The following ZNF334 variants were observed in gnomAD, a reference collection of about 807,000 sequenced individuals.
The protein encoded by ZNF334 is zinc finger protein 334.
ZNF334 carries 14 observed loss-of-function variants against 12.4 expected under a neutral mutation model. That is an observed-to-expected ratio of 1.13 (90% CI 0.74 to 1.76). The LOEUF (loss-of-function observed/expected upper bound fraction) is 1.76. Ranked by LOEUF, ZNF334 falls within the 40% of genes most tolerant of loss-of-function variation. The pLI is 0.00. For missense variants in ZNF334, 797 were observed against 804.5 expected (o/e 0.99, Z 0.11); for synonymous variants, 273 against 269.6 (o/e 1.01, Z -0.12).
At chr20:46,486,855 CTTGTT>C in the ZNF334 span, among the ~76,000 whole-genome samples, 1 of 152,082 alleles carries the variant, frequency 6.6e-6, no homozygotes, top group Non-Finnish European at 1.5e-5. Flanking sequence ...GTTTTGTCTC[CTTGTT>C]TTAATTCTCA....
the ZNF334 span, among the ~76,000 whole-genome samples, chr20:46,487,887 G>T: frequency 1.3e-5 from 2 of 152,102 alleles, no homozygotes; most frequent in Non-Finnish European, 2.9e-5. Flanking sequence ...TATACCACTG[G>T]GTCTCAATGG....
At chr20:46,488,844 T>C in the ZNF334 span, among the ~76,000 whole-genome samples, 1 of 151,512 alleles carries the variant, frequency 6.6e-6, no homozygotes, top group Admixed American at 6.6e-5. Flanking sequence ...TTTTGTTCCA[T>C]TATCTTTTAT....
the ZNF334 span, among the ~76,000 whole-genome samples, chr20:46,487,512 T>G: frequency 0.038 from 5,729 of 152,288 alleles, 118 homozygotes; most frequent in South Asian, 0.11. Flanking sequence ...TTATCCATCA[T>G]AGTGGGTTCT....
At chr20:46,463,539 C>T in the ZNF334 span, among the ~76,000 whole-genome samples, 6 of 152,178 alleles carry the variant, frequency 3.9e-5, no homozygotes, top group Non-Finnish European at 4.4e-5. Context: ...AAAGCAGGGC[C>T]GCAGCTTTTA....
intron 2 of ZNF334, chr20:46,506,028 C>T (rs1056948148): frequency 3.4e-5 from 8 of 237,238 alleles, no homozygotes; most frequent in African/African-American, 8.9e-5. Flanking sequence ...GCTGGGCTGA[C>T]GCTAGTAGTA....
At chr20:46,498,838 T>C (rs2061067219), downstream of ZNF334, among the ~76,000 whole-genome samples, 1 of 152,142 alleles carries the variant, frequency 6.6e-6, no homozygotes, top group Admixed American at 6.5e-5. Flanking sequence ...ACTGGTATCC[T>C]TATAACAAGG....
chr20:46,474,674 G>A, the ZNF334 span: 1 of 152,040 alleles, frequency 6.6e-6, no homozygotes, highest in Non-Finnish European at 1.5e-5. Context: ...TTTGCATGTT[G>A]GGGCTAAAGC....
Position 46,502,779 on chromosome 20 carries a change from C to T in ZNF334, c.560G>A (p.Arg187Lys), listed in dbSNP as rs1217022513. Reference sequence around the variant, plus strand: ...ATTTTCGTTTTGATTGCTGGCTTTCCTCATTGGATTGTATCTGTATTTTTT... The same window carrying T: ...ATTTTCGTTTTGATTGCTGGCTTTCTTCATTGGATTGTATCTGTATTTTTT... ...GMKKYRYNPM[R>K]KASNQNENLI... The change falls in exon 5 of 5, where the codon AGG becomes AAG. Residue 187 changes from arginine (R) to lysine (K), a missense_variant. Arg to Lys is a conservative substitution (Grantham distance 26). Transcript: ENST00000692313. 1.2e-6 allele frequency: 2 copies of T among 1,613,868 alleles called. No individual in the cohort carries two copies. The highest frequency in any genetic ancestry group is 3.3e-5 in the Admixed American group (2 of 60,028).
Position 46,502,062 on chromosome 20 carries a change from C to T in ZNF334, c.1277G>A (p.Ser426Asn), listed in dbSNP as rs2061206286. 7 of 1,614,118 alleles carry T rather than the reference C, an allele frequency of 4.3e-6. No individual in the cohort carries two copies. Among genetic ancestry groups the T allele is most frequent in the Non-Finnish European group, 5.9e-6 (7 of 1,180,016 alleles). ...CQSALNVHRR[S>N]HTGEKPYECS... ...TTCATAGGGCTTCTCTCCTGTATGA[C>T]TTCTTCGATGCACATTGAGGGCAGA... Residue 426 changes from serine (S) to asparagine (N), a missense_variant, in exon 5 of 5, where the codon AGT becomes AAT. Physicochemically the swap from Ser to Asn is conservative, Grantham distance 46. Coordinates refer to ENST00000692313, the MANE Select transcript of ZNF334 (RefSeq NM_001353824.2).
At chr20:46,480,964 G>A in the ZNF334 span, 1 of 152,320 alleles carries the variant, frequency 6.6e-6, no homozygotes, top group Non-Finnish European at 1.5e-5. Context: ...CCCAGGAGGA[G>A]AAAGAACCTG....
intron 2 of ZNF334, among the ~76,000 whole-genome samples, chr20:46,511,197 G>T (rs1375084445): frequency 1.3e-5 from 2 of 149,868 alleles, no homozygotes; most frequent in Non-Finnish European, 3.0e-5. Context: ...TTCGAGACCA[G>T]CCTGGGCAAC....
intron 2 of ZNF334, chr20:46,509,768 C>A: frequency 1.5e-6 from 1 of 674,642 alleles, no homozygotes; most frequent in Admixed American, 2.1e-5. Flanking sequence ...CAGGAGGCAG[C>A]CTGGTGTGGG....
rs2061167407 is a variant in ZNF334 at position 46,501,547 on chromosome 20, T to A, written c.1792A>T (p.Lys598Ter). 6.2e-7 allele frequency: 1 copy of A among 1,614,032 alleles called. No individual in the cohort carries two copies. Among genetic ancestry groups the A allele is most frequent in the South Asian group, 1.1e-5 (1 of 91,092 alleles). ...VEHQRTHTGE[K>*]PYECNECGKS... ...CCACATTCATTACATTCATATGGTT[T>A]CTCCCCAGTGTGAGTTCGCTGATGT... is the stretch of plus-strand genomic sequence containing the variant. Residue 598 changes from lysine (K) to a stop codon, truncating the protein, a stop_gained, in exon 5 of 5, where the codon AAA (lysine) becomes TAA (stop). Transcript: ENST00000692313. LOFTEE classifies it low-confidence loss of function (END_TRUNC).
chr20:46,473,428 A>T, the ZNF334 span, among the ~76,000 whole-genome samples: 1 of 152,130 alleles, frequency 6.6e-6, no homozygotes, highest in Non-Finnish European at 1.5e-5. Flanking sequence ...CTTCATTATT[A>T]ATTTTTTCTT....
At chr20:46,468,603 T>C in the ZNF334 span, among the ~76,000 whole-genome samples, 1 of 152,192 alleles carries the variant, frequency 6.6e-6, no homozygotes, top group African/African-American at 2.4e-5. Context: ...CTTTTAAATA[T>C]ATGCAAATTA....
chr20:46,462,851 C>T, the ZNF334 span, among the ~76,000 whole-genome samples: 3 of 152,248 alleles, frequency 2.0e-5, no homozygotes, highest in Admixed American at 6.5e-5. Context: ...CACATACTCA[C>T]ACTCACACAC....
At chr20:46,485,412 G>A in the ZNF334 span, 1 of 151,594 alleles carries the variant, frequency 6.6e-6, no homozygotes, top group African/African-American at 2.4e-5. Flanking sequence ...GGGTTAGCTC[G>A]GAAAAGTGTC....
chr20:46,496,105 C>G (rs992095669), downstream of ZNF334, among the ~76,000 whole-genome samples: 1 of 152,162 alleles, frequency 6.6e-6, no homozygotes, highest in African/African-American at 2.4e-5. Flanking sequence ...AATATAATCC[C>G]ATAAGTCATA....
At chr20:46,504,454 GA>G in intron 3 of ZNF334, 148 bp from the exon 4 acceptor site, 1 of 1,129,910 alleles carries the variant, frequency 8.9e-7, no homozygotes, top group Non-Finnish European at 1.3e-6. Flanking sequence ...AAGGGTAGGG[GA>G]AGGGCAGTGA....
Sources: allele counts gnomAD v4.1 joint callset (sites outside exome capture counted in the v4.1 genomes callset), GRCh38; gene constraint gnomAD v4.1.1; transcripts MANE v1.5; gene names NCBI Gene and HGNC (gene_info 2026-07-23, HGNC 2026-07-21).